RS1: variants seen among roughly 807,000 people sequenced by gnomAD.
RS1 encodes retinoschisin.
A neutral mutation model predicts 20.8 loss-of-function variants in RS1; 2 were observed. That is an observed-to-expected ratio of 0.10 (90% CI 0.04 to 0.30). RS1 has a LOEUF of 0.30. Ranked by LOEUF, RS1 falls within the 10% of genes least tolerant of loss-of-function variation. RS1 has a pLI of 1.00. For synonymous variants in RS1, 70 were observed against 75.8 expected (o/e 0.92, Z 0.40); for missense variants, 151 against 189.8 (o/e 0.80, Z 1.20).
chrX:18,647,248 A>G lies in RS1; in HGVS notation c.269T>C (p.Val90Ala). The part of the protein sequence containing the change: ...QITCSNPEQY[V>A]GWYSSWTANK... Reference sequence around the variant, plus strand: ...TGCAGTCCACGAAGAATACCAGCCCACATACTGCTCCGGGTTAGAGCAGGT... The same window carrying G: ...TGCAGTCCACGAAGAATACCAGCCCGCATACTGCTCCGGGTTAGAGCAGGT... Residue 90 changes from valine to alanine, a missense_variant, in exon 4 of 6, where the codon GTG becomes GCG. By Grantham distance (64) the Val-to-Ala change is moderately conservative. Coordinates refer to ENST00000379984, the MANE Select transcript of RS1 (RefSeq NM_000330.4). 1 of 1,210,855 alleles carries G rather than the reference A, an allele frequency of 8.3e-7. No individual in the cohort carries two copies. Among genetic ancestry groups the G allele is most frequent in the African/African-American group, 1.7e-5 (1 of 57,580 alleles).
At chrX:18,649,078 A>G (rs1316286547) in intron 3 of RS1, among the ~76,000 whole-genome samples, 1 of 108,828 alleles carries the variant, frequency 9.2e-6, no homozygotes, top group Non-Finnish European at 1.9e-5. Flanking sequence ...CAGAGACCTT[A>G]GCCTTGATAA....
intron 1 of RS1, among the ~76,000 whole-genome samples, chrX:18,660,562 A>C (rs1928292251): frequency 8.9e-6 from 1 of 111,908 alleles, no homozygotes; most frequent in African/African-American, 3.2e-5. Context: ...TGATGATAAA[A>C]AAATTTCCGA....
intron 1 of RS1, among the ~76,000 whole-genome samples, chrX:18,660,865 C>G (rs1223160584): frequency 8.9e-6 from 1 of 111,837 alleles, no homozygotes; most frequent in Non-Finnish European, 1.9e-5. Flanking sequence ...TGGACCATGC[C>G]CATGGTGAGT....
rs748635797 is a variant in RS1 at position 18,658,512 on chromosome X, A to G, written c.53-847T>C. ...CTCTTGTTGCCCAGGCTGGAGTACAATGGCGCGATCTCGGCTCACTGCAAC... is the reference window on the plus strand; with the variant it reads ...CTCTTGTTGCCCAGGCTGGAGTACAGTGGCGCGATCTCGGCTCACTGCAAC... On this transcript the variant is annotated intron_variant, in intron 1 of 5. Coordinates refer to ENST00000379984, the MANE Select transcript of RS1 (RefSeq NM_000330.4). 5.5e-5 allele frequency among the ~76,000 whole-genome samples: 6 copies of G among 109,684 alleles called. No individual in the cohort carries two copies. The East Asian group carries it at 1.7e-3, about 32-fold the overall frequency.
At position 18,644,473 on chromosome X, in the gene RS1, C is replaced by T. The variant is rs758816133; in HGVS notation, c.479G>A (p.Arg160His). Residue 160 changes from arginine (R) to histidine (H), a missense_variant, in exon 5 of 6, where the codon CGC becomes CAC. Transcript: ENST00000379984. ...GTCCTTGTAGTAAATCCAGTTCAGGCGCTCATCGGTCCTGTACTGCACGCT... is the reference window on the plus strand; with the variant it reads ...GTCCTTGTAGTAAATCCAGTTCAGGTGCTCATCGGTCCTGTACTGCACGCT... ...KYSVQYRTDE[R>H]LNWIYYKDQT... 1.6e-5 allele frequency: 19 copies of T among 1,211,447 alleles called. No homozygotes were observed. The highest frequency in any genetic ancestry group is 2.3e-4 in the Middle Eastern group (1 of 4,345).
At position 18,646,109 on chromosome X, in the gene RS1, A is replaced by G. The variant is rs375809338; in HGVS notation, c.326+1082T>C. The G allele has an allele frequency of 1.4e-4, 165 of 1,209,615 alleles. No homozygotes were observed. The highest frequency in any genetic ancestry group is 1.8e-4 in the Non-Finnish European group (158 of 895,071). ...CAACAAGGTAGAGTCTGGGCCCCGCATGCCATCAAGCTGCCATAACGACCC... is the reference window on the plus strand; with the variant it reads ...CAACAAGGTAGAGTCTGGGCCCCGCGTGCCATCAAGCTGCCATAACGACCC... On this transcript the variant is annotated intron_variant, in intron 4 of 5. Coordinates refer to ENST00000379984, the MANE Select transcript of RS1 (RefSeq NM_000330.4).
In RS1 at chrX:18,641,905, C is replaced by T. The variant is rs370884638; in HGVS notation, c.*99G>A. On this transcript the variant is annotated 3_prime_UTR_variant, in exon 6 of 6. Transcript: ENST00000379984. ...CAGCACTGCAGTTACAATTGCTTTG[C>T]GAAATATAGCCCTGTCCATCTCGGT... The T allele has an allele frequency of 6.8e-5, 66 of 971,171 alleles. No individual in the cohort carries two copies. The African/African-American group carries it at 9.9e-4, about 15-fold the overall frequency. 80.0% of individuals were successfully genotyped at this position (971,171 alleles called of 1,213,427 possible).
chrX:18,657,702 A>G, intron 1 of RS1, 37 bp from the exon 2 acceptor site: 1 of 1,104,173 alleles, frequency 9.1e-7, no homozygotes, highest in Non-Finnish European at 1.3e-6. Flanking sequence ...AATCTAATTA[A>G]TGAAAGAGAA....
At chrX:18,653,614 A>G (rs1244414729) in intron 3 of RS1, 14 of 1,128,122 alleles carry the variant, frequency 1.2e-5, no homozygotes, top group African/African-American at 1.8e-5. Context: ...ATTAACACCA[A>G]TGAATCAACC....
chrX:18,648,548 T>C (rs1211520374), intron 3 of RS1, among the ~76,000 whole-genome samples: 1 of 111,437 alleles, frequency 9.0e-6, no homozygotes, highest in African/African-American at 3.3e-5. Flanking sequence ...CAGCCTCCCC[T>C]TCTTTTTGAC....
intron 3 of RS1, among the ~76,000 whole-genome samples, chrX:18,655,986 C>CTTTTTTTTTTTTTTTTT (rs56213978): frequency 2.0e-5 from 1 of 50,826 alleles, no homozygotes; most frequent in Non-Finnish European, 3.5e-5. Flanking sequence ...TTTTCTTTTC[C>CTTTTTTTTTTTTTTTTT]TTTTTTTTTT....
At chrX:18,656,589 GA>G in intron 3 of RS1, 63 bp downstream of exon 3, 3 of 907,769 alleles carry the variant, frequency 3.3e-6, no homozygotes, top group Non-Finnish European at 4.8e-6. Flanking sequence ...AGCTGAGTGG[GA>G]AAAAGGAAGA....
At chrX:18,653,567 C>T (rs1047304798) in intron 3 of RS1, 1 of 1,204,741 alleles carries the variant, frequency 8.3e-7, no homozygotes, top group Non-Finnish European at 1.1e-6. Flanking sequence ...TGCGGCTGGT[C>T]CCAATGCCCT....
In RS1 at chrX:18,642,156, C is replaced by T; in HGVS notation, c.523G>A (p.Val175Ile). 1 of 1,210,388 alleles carries T rather than the reference C, an allele frequency of 8.3e-7. No homozygotes were observed. The highest frequency in any genetic ancestry group is 1.1e-6 in the Non-Finnish European group (1 of 894,417). Residue 175 changes from valine (V) to isoleucine (I), a missense_variant and splice_region_variant, in exon 6 of 6, where the codon GTC becomes ATC. Coordinates refer to ENST00000379984, the MANE Select transcript of RS1 (RefSeq NM_000330.4). ...GTGCGGTCCGAGTTGCCATAGAAGA[C>T]CTAGAGAGATAGAGGAAATCCTGTC... is the stretch of plus-strand genomic sequence containing the variant. ...YYKDQTGNNR[V>I]FYGNSDRTST...
chrX:18,667,024 G>A (rs1928416385), intron 1 of RS1, among the ~76,000 whole-genome samples: 1 of 111,775 alleles, frequency 8.9e-6, no homozygotes, highest in Admixed American at 9.5e-5. Context: ...GAACTCAAGG[G>A]GGAGCCCAGA....
rs1927590251 is a variant in RS1, at chrX:18,641,927, C to T, written c.*77G>A. ...TTGCGAAATATAGCCCTGTCCATCT[C>T]GGTGGTGTGTGAGGGGGTCCCCTAC... On this transcript the variant is annotated 3_prime_UTR_variant, in exon 6 of 6. Coordinates refer to ENST00000379984, the MANE Select transcript of RS1 (RefSeq NM_000330.4). The T allele has an allele frequency of 1.9e-6, 2 of 1,072,644 alleles. No homozygotes were observed. The highest frequency in any genetic ancestry group is 2.6e-6 in the Non-Finnish European group (2 of 775,467). 88.4% of individuals were successfully genotyped at this position (1,072,644 alleles called of 1,213,427 possible). A position where few individuals can be genotyped will look rare whatever the true frequency, so the allele number is the denominator to read the frequency against.
At chrX:18,642,754 AC>A in intron 5 of RS1, among the ~76,000 whole-genome samples, 1 of 112,373 alleles carries the variant, frequency 8.9e-6, no homozygotes, top group South Asian at 3.7e-4. Flanking sequence ...AGACATAAAA[AC>A]TTGGCCAGGC....
chrX:18,666,303 A>G (rs190104955), intron 1 of RS1, among the ~76,000 whole-genome samples: 2 of 111,934 alleles, frequency 1.8e-5, no homozygotes, highest in Admixed American at 1.9e-4. Context: ...GGAAGCCCTC[A>G]CTGAGAAGGT....
intron 2 of RS1, 94 bp downstream of exon 2, chrX:18,657,545 TA>T: frequency 2.8e-6 from 2 of 718,680 alleles, no homozygotes; most frequent in Non-Finnish European, 2.2e-6. Context: ...AAAATACATT[TA>T]AAAACAAAGT....
Sources: allele counts gnomAD v4.1 joint callset (sites outside exome capture counted in the v4.1 genomes callset), GRCh38; gene constraint gnomAD v4.1.1; transcripts MANE v1.5; gene names NCBI Gene and HGNC (gene_info 2026-07-23, HGNC 2026-07-21).